The following CNTN4 variants were observed in gnomAD, a reference collection of about 807,000 sequenced individuals.
The protein encoded by CNTN4 is contactin 4.
A neutral mutation model predicts 122.5 loss-of-function variants in CNTN4; 77 were observed. The ratio of observed to expected loss-of-function variants is 0.63; its 90% CI spans 0.52 to 0.76. The LOEUF is 0.76. CNTN4 is among the 30% of genes least tolerant of loss of function. The probability of loss-of-function intolerance (pLI) is 0.00; values close to 1 mark genes in which losing one functional copy is unlikely to be tolerated. For missense variants in CNTN4, 1,256 were observed against 1,259.1 expected, an observed-to-expected ratio of 1.00 and a Z score of 0.04; for synonymous variants, 512 against 447.0, an observed-to-expected ratio of 1.15 and a Z score of -1.83.
intron 2 of CNTN4, among the ~76,000 whole-genome samples, chr3:2,263,567 A>G (rs1184201871): frequency 6.6e-6 from 1 of 152,102 alleles, no homozygotes; most frequent in African/African-American, 2.4e-5. Context: ...TAATGTAGTA[A>G]TGATCAAATT....
intron 2 of CNTN4, among the ~76,000 whole-genome samples, chr3:2,141,293 G>C (rs2034982914): frequency 6.6e-6 from 1 of 152,158 alleles, no homozygotes; most frequent in South Asian, 2.1e-4. Context: ...GATTATCCTA[G>C]TGGACCTAAT....
chr3:2,760,092 TATACG>T (rs1482019160), intron 6 of CNTN4, among the ~76,000 whole-genome samples: 1 of 152,230 alleles, frequency 6.6e-6, no homozygotes, highest in Non-Finnish European at 1.5e-5. Context: ...CCTTGTCAAA[TATACG>T]ATTTGTAAAT....
rs542035453 is a variant in CNTN4, at chr3:2,120,339, G to A, written c.-145+19700G>A. Among the ~76,000 whole-genome samples the A allele has an allele frequency of 1.4e-3, 128 of 89,084 alleles. 3 individuals carry two copies. The Admixed American group carries it at 0.015, about 11-fold the overall frequency. The allele number at this position is 89,084 out of a possible 152,430, so 58.4% of individuals were successfully genotyped here. A position where few individuals can be genotyped will look rare whatever the true frequency, so the allele number is the denominator to read the frequency against. ...TTCCATATTATTTAAACTATAACAT[G>A]AGGCATTTAGGTTATATATATATAT... On this transcript the variant is annotated intron_variant, in intron 2 of 24. Transcript: ENST00000418658.
chr3:2,209,888 C>T (rs1333001491), intron 2 of CNTN4, among the ~76,000 whole-genome samples: 2 of 152,026 alleles, frequency 1.3e-5, no homozygotes, highest in Admixed American at 1.3e-4. Flanking sequence ...TAAGCAAGTG[C>T]TCTCTGTGGG....
intron 6 of CNTN4, among the ~76,000 whole-genome samples, chr3:2,811,234 C>G (rs999253997): frequency 6.6e-6 from 1 of 151,226 alleles, no homozygotes; most frequent in African/African-American, 2.4e-5. Context: ...ATGTGGGAAA[C>G]CTGTCTCTAC....
chr3:2,921,685 C>T (rs1405208260), intron 12 of CNTN4, among the ~76,000 whole-genome samples: 2 of 152,158 alleles, frequency 1.3e-5, no homozygotes, highest in Non-Finnish European at 2.9e-5. Context: ...ACTGGCATTA[C>T]ACAATAATCC....
At chr3:2,434,589 G>C (rs1247172904) in intron 3 of CNTN4, among the ~76,000 whole-genome samples, 1 of 152,156 alleles carries the variant, frequency 6.6e-6, no homozygotes, top group East Asian at 1.9e-4. Flanking sequence ...AATTTCCGGG[G>C]CTGGCACTGT....
intron 9 of CNTN4, among the ~76,000 whole-genome samples, chr3:2,885,042 GTGTC>G (rs1298663274): frequency 6.6e-6 from 1 of 152,196 alleles, no homozygotes; most frequent in Non-Finnish European, 1.5e-5. Flanking sequence ...TTTTGAGTTA[GTGTC>G]TGTCTAACGA....
chr3:2,569,346 C>T (rs1352334400), intron 3 of CNTN4, among the ~76,000 whole-genome samples: 1 of 152,102 alleles, frequency 6.6e-6, no homozygotes, highest in Non-Finnish European at 1.5e-5. Flanking sequence ...TGTGTTGGCC[C>T]ATGTTTTCAT....
At chr3:2,532,732 TAAA>T (rs1416071039) in intron 3 of CNTN4, among the ~76,000 whole-genome samples, 1 of 152,148 alleles carries the variant, frequency 6.6e-6, no homozygotes, top group East Asian at 1.9e-4. Context: ...TTTACATTCT[TAAA>T]AAAGTAACTA....
intron 13 of CNTN4, among the ~76,000 whole-genome samples, chr3:2,934,324 T>C (rs916964830): frequency 2.0e-5 from 3 of 152,244 alleles, no homozygotes; most frequent in Non-Finnish European, 2.9e-5. Context: ...TTCATGCTCA[T>C]GTGTCTTGTC....
chr3:3,034,827 A>C, intron 17 of CNTN4, 37 bp downstream of exon 17: 2 of 1,606,714 alleles, frequency 1.2e-6, no homozygotes. Flanking sequence ...GACATTGGGA[A>C]CTCAGCATAC....
At chr3:2,210,416 A>G (rs1390169483) in intron 2 of CNTN4, among the ~76,000 whole-genome samples, 2 of 152,146 alleles carry the variant, frequency 1.3e-5, no homozygotes, top group African/African-American at 2.4e-5. Context: ...CCGGCATACC[A>G]TTGTCTGCCT....
chr3:2,474,923 A>C (rs77093044), intron 3 of CNTN4, among the ~76,000 whole-genome samples: 1,880 of 152,236 alleles, frequency 0.012, 38 homozygotes, highest in African/African-American at 0.043. Flanking sequence ...TTTACTTAGA[A>C]ACTCTCTGAT....
chr3:2,835,591 G>A (rs746562661), intron 7 of CNTN4, among the ~76,000 whole-genome samples: 2 of 151,962 alleles, frequency 1.3e-5, no homozygotes, highest in African/African-American at 2.4e-5. Flanking sequence ...TTAGTTATAG[G>A]TCAATTTTAT....
chr3:2,330,930 A>T (rs71309885), intron 2 of CNTN4, among the ~76,000 whole-genome samples: 2,366 of 152,246 alleles, frequency 0.016, 27 homozygotes, highest in Non-Finnish European at 0.021. Flanking sequence ...TGTCCAGTAC[A>T]CTTTTATATC....
At chr3:2,213,180 A>G (rs1313829440) in intron 2 of CNTN4, among the ~76,000 whole-genome samples, 1 of 152,182 alleles carries the variant, frequency 6.6e-6, no homozygotes, top group African/African-American at 2.4e-5. Context: ...GTTTTAGTCA[A>G]GCACATTTAA....
At chr3:2,985,457 T>C (rs1488517848) in intron 13 of CNTN4, 2 of 152,828 alleles carry the variant, frequency 1.3e-5, no homozygotes, top group African/African-American at 4.8e-5. Flanking sequence ...TTCAGTAGAC[T>C]TTGAAAAACT....
At chr3:2,270,923 A>G (rs2041268471) in intron 2 of CNTN4, among the ~76,000 whole-genome samples, 1 of 152,158 alleles carries the variant, frequency 6.6e-6, no homozygotes, top group African/African-American at 2.4e-5. Flanking sequence ...GGCTGTGGTC[A>G]GTTGGTACCT....
Sources: allele counts gnomAD v4.1 joint callset (sites outside exome capture counted in the v4.1 genomes callset), GRCh38; gene constraint gnomAD v4.1.1; transcripts MANE v1.5; gene names NCBI Gene and HGNC (gene_info 2026-07-23, HGNC 2026-07-21).